The following SYNPR variants were observed in gnomAD, a reference collection of about 807,000 sequenced individuals.
The protein encoded by SYNPR is synaptoporin.
Under a neutral mutation model 32.9 loss-of-function variants are expected in SYNPR, and 23 were observed. The ratio of observed to expected loss-of-function variants is 0.70; its 90% CI spans 0.50 to 0.99. The LOEUF is 0.99. Among genes scored for constraint, SYNPR ranks in the 50% least tolerant of loss-of-function variants. SYNPR has a pLI of 0.00. For missense variants in SYNPR, 318 were observed against 349.3 expected (o/e 0.91, Z 0.71); for synonymous variants, 146 against 135.9 (o/e 1.07, Z -0.52).
chr3:63,444,951 T>C (rs1051079726), intron 2 of SYNPR, among the ~76,000 whole-genome samples: 42 of 128,830 alleles, frequency 3.3e-4, no homozygotes, highest in African/African-American at 1.0e-3. Context: ...GATAATTTGT[T>C]GGAAAAAAAA....
At chr3:63,507,659 C>T (rs1053982198) in intron 3 of SYNPR, among the ~76,000 whole-genome samples, 2 of 151,952 alleles carry the variant, frequency 1.3e-5, no homozygotes, top group African/African-American at 2.4e-5. Flanking sequence ...GGAAATGCAG[C>T]GAAACTTGAA....
chr3:63,316,056 T>C (rs1249212720), intron 2 of SYNPR, among the ~76,000 whole-genome samples: 2 of 152,118 alleles, frequency 1.3e-5, no homozygotes, highest in African/African-American at 4.8e-5. Flanking sequence ...GACTTGCATA[T>C]GTTAAACCAT....
chr3:63,321,218 A>C (rs2087107682), intron 2 of SYNPR, among the ~76,000 whole-genome samples: 1 of 152,138 alleles, frequency 6.6e-6, no homozygotes, highest in Non-Finnish European at 1.5e-5. Context: ...TTTTGCCAAA[A>C]TATGACTTCA....
chr3:63,210,433 G>A, the SYNPR span, among the ~76,000 whole-genome samples: 2 of 152,192 alleles, frequency 1.3e-5, no homozygotes, highest in Admixed American at 1.3e-4. Flanking sequence ...TTTTACACAG[G>A]ACTCTCCTTT....
chr3:63,309,883 T>C (rs1184269958), intron 2 of SYNPR, among the ~76,000 whole-genome samples: 1 of 152,034 alleles, frequency 6.6e-6, no homozygotes, highest in Non-Finnish European at 1.5e-5. Flanking sequence ...GACATGCATA[T>C]GCATTGTGTG....
At chr3:63,405,777 T>A (rs371930453) in intron 2 of SYNPR, among the ~76,000 whole-genome samples, 1 of 152,148 alleles carries the variant, frequency 6.6e-6, no homozygotes, top group Admixed American at 6.5e-5. Flanking sequence ...AGAGCATAAA[T>A]GGATTTGAAA....
chr3:63,264,117 C>A (rs1409702009), intron 2 of SYNPR, among the ~76,000 whole-genome samples: 1 of 152,152 alleles, frequency 6.6e-6, no homozygotes, highest in Non-Finnish European at 1.5e-5. Flanking sequence ...GGTGATTCTG[C>A]TGTTCTATGT....
chr3:63,406,031 C>G (rs1329060105), intron 2 of SYNPR, among the ~76,000 whole-genome samples: 1 of 152,018 alleles, frequency 6.6e-6, no homozygotes, highest in African/African-American at 2.4e-5. Context: ...CATCGAGGAT[C>G]AGAGAGGTTC....
chr3:63,564,662 T>C (rs1702751861), intron 4 of SYNPR, among the ~76,000 whole-genome samples: 1 of 152,214 alleles, frequency 6.6e-6, no homozygotes, highest in African/African-American at 2.4e-5. Flanking sequence ...TGAAGGCAAA[T>C]ACATTAATCC....
chr3:63,574,695 G>A (rs371657252), intron 4 of SYNPR, among the ~76,000 whole-genome samples: 50 of 152,172 alleles, frequency 3.3e-4, no homozygotes, highest in African/African-American at 1.1e-3. Flanking sequence ...TGAGTGCAGA[G>A]ATCTTATCTT....
chr3:63,297,179 G>A (rs562237267), intron 2 of SYNPR, among the ~76,000 whole-genome samples: 1 of 152,260 alleles, frequency 6.6e-6, no homozygotes, highest in African/African-American at 2.4e-5. Flanking sequence ...TCACTGTGAA[G>A]TGGCTCTGTT....
chr3:63,595,820 TATATATATATA>T (rs1699942806), intron 4 of SYNPR, among the ~76,000 whole-genome samples: 1 of 64,766 alleles, frequency 1.5e-5, no homozygotes, highest in East Asian at 4.2e-4. Flanking sequence ...TATATAGTTT[TATATATATATA>T]GTTATATATA....
chr3:63,272,032 T>A (rs554727180), intron 3 of SYNPR, among the ~76,000 whole-genome samples: 1 of 152,174 alleles, frequency 6.6e-6, no homozygotes, highest in South Asian at 2.1e-4. Flanking sequence ...GAAAAGACAA[T>A]AAATGACTTC....
intron 2 of SYNPR, 145 bp downstream of exon 2, chr3:63,278,887 A>C: frequency 1.0e-6 from 1 of 990,324 alleles, no homozygotes; most frequent in Non-Finnish European, 1.5e-6. Context: ...GCCCCCTCCT[A>C]AGATGCCGTT....
At chr3:63,340,738 A>G (rs952117919) in intron 2 of SYNPR, among the ~76,000 whole-genome samples, 18 of 152,194 alleles carry the variant, frequency 1.2e-4, no homozygotes, top group Admixed American at 1.0e-3. Context: ...TATTTTTTAA[A>G]GCAATTTTAG....
At chr3:63,422,306 T>C (rs1575635704) in intron 2 of SYNPR, among the ~76,000 whole-genome samples, 1 of 152,132 alleles carries the variant, frequency 6.6e-6, no homozygotes, top group African/African-American at 2.4e-5. Flanking sequence ...TTTTCCCTAA[T>C]ACAATGGAAA....
intron 2 of SYNPR, among the ~76,000 whole-genome samples, chr3:63,461,775 T>C (rs59788606): frequency 0.02 from 2,991 of 152,020 alleles, 106 homozygotes; most frequent in African/African-American, 0.069. Context: ...GTTACAGAAG[T>C]TACCATGCTA....
intron 2 of SYNPR, among the ~76,000 whole-genome samples, chr3:63,343,108 C>G (rs11719344): frequency 0.23 from 34,359 of 151,746 alleles, 4,187 homozygotes; most frequent in South Asian, 0.39. Flanking sequence ...CCAGAGAAGG[C>G]GACAAGTTTG....
intron 3 of SYNPR, among the ~76,000 whole-genome samples, chr3:63,524,824 A>AGTGTGT (rs138062730): frequency 5.8e-4 from 75 of 129,454 alleles, no homozygotes; most frequent in Middle Eastern, 3.8e-3. Flanking sequence ...TCATAATAGA[A>AGTGTGT]GTGTGTGTGT....
Sources: allele counts gnomAD v4.1 joint callset (sites outside exome capture counted in the v4.1 genomes callset), GRCh38; gene constraint gnomAD v4.1.1; transcripts MANE v1.5; gene names NCBI Gene and HGNC (gene_info 2026-07-23, HGNC 2026-07-21).